Variants in KDM2A observed in about 807,000 individuals in gnomAD.
The protein encoded by KDM2A is lysine-specific demethylase 2A.
KDM2A carries 3 observed loss-of-function variants against 137.3 expected under a neutral mutation model. The observed-to-expected ratio is 0.02, with a 90% CI of 0.01 to 0.06. KDM2A has a LOEUF of 0.06. KDM2A is among the 10% of genes least tolerant of loss of function. The pLI, the probability that KDM2A is intolerant of heterozygous loss-of-function variation, is 1.00. For missense variants in KDM2A, 738 were observed against 1,510.6 expected, an observed-to-expected ratio of 0.49 and a Z score of 8.48; for synonymous variants, 512 against 541.5, an observed-to-expected ratio of 0.95 and a Z score of 0.76.
At chr11:67,164,268 A>G (rs925150184) in intron 2 of KDM2A, among the ~76,000 whole-genome samples, 1 of 152,216 alleles carries the variant, frequency 6.6e-6, no homozygotes. Context: ...TTTGCTAAAC[A>G]TAGTAAATAT....
intron 12 of KDM2A, among the ~76,000 whole-genome samples, chr11:67,235,593 G>A (rs550855521): frequency 1.3e-5 from 2 of 151,140 alleles, no homozygotes; most frequent in East Asian, 2.0e-4. Flanking sequence ...GTGACACCGC[G>A]CCCGGCTGCT....
chr11:67,256,773 A>C lies in KDM2A; in HGVS notation c.*1718A>C, dbSNP rs1368990385. ...TTTGACCCTGGCATTAACTGGCCTT[A>C]GAAGAAACTGGATCCTGGTAGGGGG... On this transcript the variant is annotated 3_prime_UTR_variant, in exon 21 of 21. Coordinates refer to ENST00000529006, the MANE Select transcript of KDM2A (RefSeq NM_012308.3). 6.6e-6 allele frequency: 1 copy of C among 152,656 alleles called. No individual in the cohort carries two copies. Among genetic ancestry groups the C allele is most frequent in the Non-Finnish European group, 1.5e-5 (1 of 68,058 alleles). 9.5% of individuals were successfully genotyped at this position (152,656 alleles called of 1,614,324 possible). A position where few individuals can be genotyped will look rare whatever the true frequency, so the allele number is the denominator to read the frequency against.
At chr11:67,221,545 GTATCAC>G (rs1858350081) in intron 10 of KDM2A, among the ~76,000 whole-genome samples, 1 of 152,116 alleles carries the variant, frequency 6.6e-6, no homozygotes, top group African/African-American at 2.4e-5. Context: ...TAGGAGTTAC[GTATCAC>G]TATACACATC....
At chr11:67,123,699 G>A (rs1045193492) in intron 2 of KDM2A, among the ~76,000 whole-genome samples, 9 of 150,568 alleles carry the variant, frequency 6.0e-5, no homozygotes, top group Non-Finnish European at 1.0e-4. Flanking sequence ...TTTTTGAGAC[G>A]GAGTTTCACT....
At chr11:67,240,878 C>T (rs1859016158) in intron 12 of KDM2A, among the ~76,000 whole-genome samples, 1 of 152,192 alleles carries the variant, frequency 6.6e-6, no homozygotes, top group Admixed American at 6.5e-5. Flanking sequence ...TCCACACCCA[C>T]ACATACCCCA....
intron 6 of KDM2A, among the ~76,000 whole-genome samples, chr11:67,214,208 T>TTTTTTTTC (rs988248634): frequency 8.0e-4 from 2 of 2,498 alleles, no homozygotes; most frequent in African/African-American, 1.4e-3. Flanking sequence ...GCGCAGCTAA[T>TTTTTTTTC]TTTTTTTTTT....
intron 2 of KDM2A, among the ~76,000 whole-genome samples, chr11:67,163,674 G>T (rs1316118186): frequency 6.6e-6 from 1 of 152,018 alleles, no homozygotes; most frequent in Non-Finnish European, 1.5e-5. Context: ...TGGCCAACAT[G>T]GTGAAACCCC....
chr11:67,172,618 GTGTGT>G (rs1032524006), intron 2 of KDM2A, among the ~76,000 whole-genome samples: 2 of 8,250 alleles, frequency 2.4e-4, no homozygotes, highest in Non-Finnish European at 0.04. Flanking sequence ...TCTTATAGTT[GTGTGT>G]GTGTGTGTGT....
intron 17 of KDM2A, among the ~76,000 whole-genome samples, chr11:67,251,243 G>T (rs1376041485): frequency 6.6e-6 from 1 of 152,208 alleles, no homozygotes; most frequent in Non-Finnish European, 1.5e-5. Flanking sequence ...TCCATTCAGT[G>T]AGAGAAGTGG....
chr11:67,240,202 T>A (rs1348142438), intron 12 of KDM2A: 1 of 1,534,508 alleles, frequency 6.5e-7, no homozygotes, highest in South Asian at 1.2e-5. Flanking sequence ...TGGACTGCCC[T>A]GCCCTATGTG....
chr11:67,238,224 T>G (rs1477998754), intron 12 of KDM2A, among the ~76,000 whole-genome samples: 3 of 152,214 alleles, frequency 2.0e-5, no homozygotes, highest in Non-Finnish European at 4.4e-5. Context: ...AATTTGTGAT[T>G]TGGAAACTTA....
intron 2 of KDM2A, among the ~76,000 whole-genome samples, chr11:67,170,408 C>CTTTTTTTTTTTTT (rs923665021): frequency 2.2e-5 from 2 of 92,838 alleles, no homozygotes; most frequent in African/African-American, 4.6e-5. Flanking sequence ...TTCTTTCTTT[C>CTTTTTTTTTTTTT]TTTTTTTTTT....
At chr11:67,202,828 T>C (rs1857672669) in intron 5 of KDM2A, among the ~76,000 whole-genome samples, 1 of 147,724 alleles carries the variant, frequency 6.8e-6, no homozygotes, top group East Asian at 2.0e-4. Flanking sequence ...AGATCTTGTA[T>C]CGGCAAAAAT....
intron 5 of KDM2A, among the ~76,000 whole-genome samples, chr11:67,198,314 G>A (rs1857530601): frequency 7.0e-6 from 1 of 143,002 alleles, no homozygotes; most frequent in South Asian, 2.1e-4. Flanking sequence ...TGCAGATAGT[G>A]TATTTTTTTT....
chr11:67,184,959 G>A (rs1857171798), intron 5 of KDM2A, among the ~76,000 whole-genome samples: 1 of 151,952 alleles, frequency 6.6e-6, no homozygotes, highest in South Asian at 2.1e-4. Context: ...AAAATCATAA[G>A]GCATACGAAG....
At position 67,256,466 on chromosome 11, in the gene KDM2A, C is replaced by T. The variant is rs1251846857; in HGVS notation, c.*1411C>T. ...GGCAAGAGCTTATAAATGATTGATG[C>T]AAATTTGCACTCTGCTCCCCCTCTG... On this transcript the variant is annotated 3_prime_UTR_variant, in exon 21 of 21. Transcript: ENST00000529006. 1 of 152,564 alleles carries T rather than the reference C, an allele frequency of 6.6e-6. No homozygotes were observed. The highest frequency in any genetic ancestry group is 1.5e-5 in the Non-Finnish European group (1 of 68,020). 9.5% of individuals were successfully genotyped at this position (152,564 alleles called of 1,614,324 possible). A position where few individuals can be genotyped will look rare whatever the true frequency, so the allele number is the denominator to read the frequency against.
At chr11:67,205,968 C>A (rs1207416320) in intron 5 of KDM2A, among the ~76,000 whole-genome samples, 1 of 152,156 alleles carries the variant, frequency 6.6e-6, no homozygotes, top group Non-Finnish European at 1.5e-5. Flanking sequence ...AAATATGATA[C>A]TTCCCTTTTG....
intron 2 of KDM2A, among the ~76,000 whole-genome samples, chr11:67,166,506 G>A (rs1156903044): frequency 2.0e-5 from 3 of 152,052 alleles, no homozygotes; most frequent in Non-Finnish European, 4.4e-5. Flanking sequence ...ATATTTCTGA[G>A]TTATATTATT....
rs745503626 is a variant in KDM2A at position 67,250,439 on chromosome 11, A to G, written c.2409A>G (p.Leu803=). The stretch of plus-strand genomic sequence containing the variant: ...GGGGATCGTACCTCACTGTCACGCT[A>G]CAGAGGCCCACCAAAGAGCTCCACG... The part of the protein sequence containing the change: ...KIRGSYLTVT[L]QRPTKELHGT... The change falls in exon 17 of 21, where the codon CTA becomes CTG. Residue 803 remains leucine (L), a synonymous_variant. Transcript: ENST00000529006. The surrounding 1 kb of genome is among the most constrained non-coding windows in gnomAD (Gnocchi z 7.1). The G allele has an allele frequency of 2.5e-6, 4 of 1,613,916 alleles. No individual in the cohort carries two copies. In the African/African-American group the frequency reaches 4.0e-5, roughly 16 times the overall value.
Sources: gnomAD v4.1 joint callset for allele counts (sites outside exome capture counted in the v4.1 genomes callset) on GRCh38, gnomAD v4.1.1 for gene constraint, Gnocchi (gnomAD v3.1) non-coding constraint, MANE v1.5 for transcripts, NCBI Gene and HGNC (gene_info 2026-07-23, HGNC 2026-07-21) for gene names.